CAST: variants seen among roughly 807,000 people sequenced by gnomAD.
The protein encoded by CAST is calpastatin, also known as MIR583 host.
CAST carries 76 observed loss-of-function variants against 119.6 expected under a neutral mutation model. The observed-to-expected ratio is 0.64, with a 90% CI of 0.53 to 0.77. The LOEUF (loss-of-function observed/expected upper bound fraction) is 0.77. CAST is among the 30% of genes least tolerant of loss of function. The pLI is 0.00. For missense variants in CAST, 953 were observed against 946.5 expected (o/e 1.01, Z -0.09); for synonymous variants, 319 against 331.6 (o/e 0.96, Z 0.41).
chr5:96,236,111 G>C, the CAST span, among the ~76,000 whole-genome samples: 2 of 151,654 alleles, frequency 1.3e-5, no homozygotes, highest in African/African-American at 4.8e-5. Flanking sequence ...CTGTCTGTCT[G>C]TCTATCTATC....
At chr5:96,654,075 G>A (rs2150205499) in intron 1 of CAST, among the ~76,000 whole-genome samples, 1 of 144,354 alleles carries the variant, frequency 6.9e-6, no homozygotes, top group East Asian at 2.0e-4. Flanking sequence ...CCCAGCTGGA[G>A]TGCAGTGGTG....
intron 29 of CAST, 149 bp from the exon 30 acceptor site, chr5:96,770,382 A>C: frequency 5.3e-6 from 3 of 567,604 alleles, no homozygotes; most frequent in Non-Finnish European, 9.6e-6. Context: ...ACCGTTGTTC[A>C]AAAAAAATCA....
At chr5:96,277,319 A>G in the CAST span, among the ~76,000 whole-genome samples, 2 of 151,808 alleles carry the variant, frequency 1.3e-5, no homozygotes, top group Admixed American at 1.3e-4. Context: ...TCTAAATTCC[A>G]TTTCCCCACT....
the CAST span, among the ~76,000 whole-genome samples, chr5:96,452,976 AC>A: frequency 2.9e-4 from 41 of 142,414 alleles, 2 homozygotes; most frequent in African/African-American, 1.0e-3. Context: ...AAAAAAAAAA[AC>A]AGAAGAAAGA....
chr5:96,405,630 C>T, the CAST span, among the ~76,000 whole-genome samples: 2 of 152,146 alleles, frequency 1.3e-5, no homozygotes, highest in Non-Finnish European at 2.9e-5. Flanking sequence ...GAGATCTTGC[C>T]ACTGCACTCC....
At chr5:96,616,729 G>GTT (rs1747461966) in intron 1 of CAST, among the ~76,000 whole-genome samples, 1 of 138,406 alleles carries the variant, frequency 7.2e-6, no homozygotes, top group Non-Finnish European at 1.6e-5. Context: ...GCGCTCGCTC[G>GTT]CTCTCTCTCT....
the CAST span, among the ~76,000 whole-genome samples, chr5:96,006,504 A>T: frequency 1.3e-5 from 2 of 152,206 alleles, no homozygotes; most frequent in Non-Finnish European, 2.9e-5. Context: ...CATCGAGCAC[A>T]ATCATTTACC....
At chr5:96,205,811 A>G in the CAST span, among the ~76,000 whole-genome samples, 1 of 152,040 alleles carries the variant, frequency 6.6e-6, no homozygotes, top group Admixed American at 6.6e-5. Flanking sequence ...AGAATGATTT[A>G]TATTCCTTTG....
chr5:96,399,910 T>C, the CAST span: 1 of 1,431,906 alleles, frequency 7.0e-7, no homozygotes, highest in South Asian at 1.2e-5. Flanking sequence ...AATGAAATTA[T>C]GCCATGGGCA....
chr5:96,708,109 A>G (rs1285073991), intron 3 of CAST, among the ~76,000 whole-genome samples: 1 of 152,260 alleles, frequency 6.6e-6, no homozygotes. Flanking sequence ...AATAATCATC[A>G]GCGTCCCTGA....
chr5:96,017,172 G>A, the CAST span, among the ~76,000 whole-genome samples: 1 of 151,992 alleles, frequency 6.6e-6, no homozygotes, highest in Non-Finnish European at 1.5e-5. Context: ...GTTCTTTCAC[G>A]GCTGGACCTC....
At position 96,767,955 on chromosome 5, in the gene CAST, G is replaced by A. The variant is rs765162009; in HGVS notation, c.2224G>A (p.Asp742Asn). Residue 742 changes from aspartate to asparagine, a missense_variant, in exon 29 of 32, where the codon GAC (aspartate) becomes AAC (asparagine). By Grantham distance (23) the Asp-to-Asn change is conservative. Transcript: ENST00000675179. ...CATTGATGCTCTCTCAGGAGATCTG[G>A]ACAGCTGTCCCTCCACTACAGAAAC... is the stretch of plus-strand genomic sequence containing the variant. ...DPIDALSGDL[D>N]SCPSTTETSQ... is the part of the protein sequence containing the mutation. 3.1e-6 allele frequency: 5 copies of A among 1,613,532 alleles called. No individual in the cohort carries two copies. The African/African-American group carries it at 6.7e-5, about 22-fold the overall frequency.
At chr5:96,621,141 A>G (rs1747596369) in intron 1 of CAST, among the ~76,000 whole-genome samples, 1 of 152,160 alleles carries the variant, frequency 6.6e-6, no homozygotes, top group Non-Finnish European at 1.5e-5. Flanking sequence ...ACTTGGAGTG[A>G]TTTAAAAGAG....
chr5:96,561,796 G>GTTTT lies in CAST; in HGVS notation c.60+31927_60+31930dup, dbSNP rs11375615. 8.6e-4 allele frequency among the ~76,000 whole-genome samples: 84 copies of GTTTT among 97,220 alleles called. 1 individual carries two copies. The highest frequency in any genetic ancestry group is 1.4e-3 in the African/African-American group (36 of 25,942). 63.8% of individuals were successfully genotyped at this position (97,220 alleles called of 152,430 possible). A position where few individuals can be genotyped will look rare whatever the true frequency, so the allele number is the denominator to read the frequency against. ...GTGTATTATATATATGTTTTTTTTT[G>GTTTT]TTTTTTTTTTTTTTGAGACGGAGTC... On this transcript the variant is annotated intron_variant, in intron 1 of 11. Transcript: ENST00000505143.
At chr5:96,372,125 G>A in the CAST span, among the ~76,000 whole-genome samples, 4 of 152,226 alleles carry the variant, frequency 2.6e-5, no homozygotes, top group African/African-American at 9.6e-5. Flanking sequence ...AGCTCTCAGA[G>A]TTTAAGTAAG....
the CAST span, among the ~76,000 whole-genome samples, chr5:96,102,408 G>A: frequency 2.6e-5 from 4 of 152,158 alleles, no homozygotes; most frequent in Admixed American, 6.5e-5. Flanking sequence ...CTCCAGTCGA[G>A]CCAGTTCTCT....
At chr5:96,119,457 T>C in the CAST span, among the ~76,000 whole-genome samples, 2 of 152,116 alleles carry the variant, frequency 1.3e-5, no homozygotes, top group Non-Finnish European at 2.9e-5. Context: ...CATTCCTAAG[T>C]GGCAAAATTG....
At chr5:96,541,015 T>C (rs1275574442) in intron 1 of CAST, among the ~76,000 whole-genome samples, 4 of 152,182 alleles carry the variant, frequency 2.6e-5, no homozygotes, top group East Asian at 1.9e-4. Flanking sequence ...CCCTTTCCCA[T>C]GTGCTCTTTG....
At chr5:96,495,111 C>T in the CAST span, among the ~76,000 whole-genome samples, 6 of 116,500 alleles carry the variant, frequency 5.2e-5, no homozygotes. Flanking sequence ...GGCGTCAGAG[C>T]GAGACTGTCT....
Sources: allele counts gnomAD v4.1 joint callset (sites outside exome capture counted in the v4.1 genomes callset), GRCh38; gene constraint gnomAD v4.1.1; transcripts MANE v1.5; gene names NCBI Gene and HGNC (gene_info 2026-07-23, HGNC 2026-07-21).